The following ERG variants were observed in gnomAD, a reference collection of about 807,000 sequenced individuals.
ERG encodes ETS transcription factor ERG.
A neutral mutation model predicts 55.3 loss-of-function variants in ERG; 9 were observed. That is an observed-to-expected ratio of 0.16 (90% CI 0.10 to 0.28). The LOEUF (loss-of-function observed/expected upper bound fraction) is 0.28. ERG is among the 10% of genes least tolerant of loss of function. ERG has a pLI of 1.00. For missense variants in ERG, 434 were observed against 631.6 expected (o/e 0.69, Z 3.35); for synonymous variants, 223 against 237.3 (o/e 0.94, Z 0.55).
intron 2 of ERG, among the ~76,000 whole-genome samples, chr21:38,429,826 T>C (rs1483557179): frequency 2.0e-5 from 3 of 152,144 alleles, no homozygotes; most frequent in Non-Finnish European, 4.4e-5. Flanking sequence ...ATTTTTGCAA[T>C]TGCGAATTGT....
At chr21:38,514,211 T>G (rs2059535314) in intron 2 of ERG, among the ~76,000 whole-genome samples, 1 of 151,114 alleles carries the variant, frequency 6.6e-6, no homozygotes. Flanking sequence ...TATCAGCAAA[T>G]TCTAACATGC....
intron 1 of ERG, among the ~76,000 whole-genome samples, chr21:38,646,963 C>T (rs1348359944): frequency 6.6e-6 from 1 of 152,192 alleles, no homozygotes; most frequent in African/African-American, 2.4e-5. Context: ...CAGCCTCTCC[C>T]ATCAGCTCAC....
intron 1 of ERG, among the ~76,000 whole-genome samples, chr21:38,644,812 T>C (rs1372443440): frequency 6.6e-6 from 1 of 152,208 alleles, no homozygotes; most frequent in Non-Finnish European, 1.5e-5. Context: ...TTTTTCTGAA[T>C]ACAGATGTGA....
At chr21:38,590,625 TATCC>T (rs1252966922) in intron 1 of ERG, among the ~76,000 whole-genome samples, 2 of 151,706 alleles carry the variant, frequency 1.3e-5, no homozygotes, top group Non-Finnish European at 2.9e-5. Flanking sequence ...TTCATTCATC[TATCC>T]ATCCATGTAT....
intron 8 of ERG, among the ~76,000 whole-genome samples, chr21:38,391,310 G>A (rs1987957960): frequency 6.6e-6 from 1 of 152,212 alleles, no homozygotes; most frequent in Admixed American, 6.5e-5. Context: ...ACCAACCAAT[G>A]ATATAAAGAG....
intron 1 of ERG, among the ~76,000 whole-genome samples, chr21:38,630,303 G>A (rs1019567933): frequency 6.6e-6 from 1 of 152,066 alleles, no homozygotes; most frequent in Admixed American, 6.6e-5. Context: ...TGTTAATAAT[G>A]GTGGCTTAAA....
chr21:38,470,662 T>G (rs1221152279), intron 1 of ERG: 1 of 152,072 alleles, frequency 6.6e-6, no homozygotes, highest in Admixed American at 6.6e-5. Flanking sequence ...TTTGTCAAAC[T>G]GCTTCACAGG....
intron 1 of ERG, among the ~76,000 whole-genome samples, chr21:38,632,349 T>C (rs2060361785): frequency 6.6e-6 from 1 of 152,170 alleles, no homozygotes; most frequent in Non-Finnish European, 1.5e-5. Context: ...GGATGAACAC[T>C]ATAATTTTTT....
At chr21:38,531,715 A>C (rs1322557026) in intron 2 of ERG, among the ~76,000 whole-genome samples, 1 of 152,212 alleles carries the variant, frequency 6.6e-6, no homozygotes, top group African/African-American at 2.4e-5. Flanking sequence ...CAATTTAAAA[A>C]ATCATGGCAC....
At chr21:38,550,818 C>T (rs1053393597) in intron 2 of ERG, among the ~76,000 whole-genome samples, 1 of 152,118 alleles carries the variant, frequency 6.6e-6, no homozygotes, top group Non-Finnish European at 1.5e-5. Flanking sequence ...CTCGGGTTCA[C>T]ACAAGGTTTG....
chr21:38,382,128 A>T lies in ERG; in HGVS notation c.*1275T>A, dbSNP rs922689215. On this transcript the variant is annotated 3_prime_UTR_variant, in exon 10 of 10. Transcript: ENST00000288319. Reference sequence around the variant, plus strand: ...TAAACATTAAGCATACAGAGTTAAAATTCAAGGCCACATTATATCGATTGT... The same window carrying T: ...TAAACATTAAGCATACAGAGTTAAATTTCAAGGCCACATTATATCGATTGT... 74 of 1,054,492 alleles carry T rather than the reference A, an allele frequency of 7.0e-5. No individual in the cohort carries two copies. The African/African-American group carries it at 1.2e-3, about 17-fold the overall frequency. The allele number at this position is 1,054,492 out of a possible 1,614,324, so 65.3% of individuals were successfully genotyped here.
chr21:38,525,262 G>A (rs3827204), intron 2 of ERG, among the ~76,000 whole-genome samples: 47,703 of 151,768 alleles, frequency 0.31, 9,250 homozygotes, highest in Non-Finnish European at 0.42. Context: ...TCTTCCCCGC[G>A]CCCCTCCTGC....
In ERG at chr21:38,601,364, A is replaced by ATGTGG. The variant is rs2060163535; in HGVS notation, c.-149-16424_-149-16420dup. ...GCAGATCTCTTTGGTGGCAAAGGCA[A>ATGTGG]TGTGGTGAGTTAACTTTGAAGCAAT... is the stretch of plus-strand genomic sequence containing the variant. On this transcript the variant is annotated intron_variant, in intron 1 of 10. Transcript: ENST00000398910. Among the ~76,000 whole-genome samples, 4 of 152,276 alleles carry ATGTGG rather than the reference A, an allele frequency of 2.6e-5. No homozygotes were observed. The South Asian group carries it at 8.3e-4, about 32-fold the overall frequency.
At chr21:38,606,319 CAGAT>C (rs1350221079) in intron 1 of ERG, among the ~76,000 whole-genome samples, 14 of 152,058 alleles carry the variant, frequency 9.2e-5, no homozygotes, top group South Asian at 2.1e-4. Context: ...AGATGATAGA[CAGAT>C]AGATAGATAA....
chr21:38,582,207 T>C (rs2060034142), intron 1 of ERG, among the ~76,000 whole-genome samples: 1 of 152,178 alleles, frequency 6.6e-6, no homozygotes, highest in Non-Finnish European at 1.5e-5. Flanking sequence ...TTGTTGCACC[T>C]AAAAGGGGGG....
At chr21:38,402,944 C>T (rs1045134446) in intron 4 of ERG, among the ~76,000 whole-genome samples, 63 of 152,164 alleles carry the variant, frequency 4.1e-4, no homozygotes, top group African/African-American at 1.5e-3. Flanking sequence ...TTCCTTCTCA[C>T]CATGCTGGAC....
intron 1 of ERG, among the ~76,000 whole-genome samples, chr21:38,651,886 A>C (rs2060490637): frequency 6.6e-6 from 1 of 151,850 alleles, no homozygotes; most frequent in Non-Finnish European, 1.5e-5. Flanking sequence ...GGTGCTCAGC[A>C]CTCCTGAGCC....
chr21:38,586,404 T>A (rs921112032), upstream of ERG, among the ~76,000 whole-genome samples: 13 of 152,032 alleles, frequency 8.6e-5, no homozygotes, highest in African/African-American at 3.1e-4. Flanking sequence ...AAGTCACAGA[T>A]CTCTTGAAAT....
intron 1 of ERG, among the ~76,000 whole-genome samples, chr21:38,650,792 A>G (rs978831859): frequency 1.3e-5 from 2 of 152,274 alleles, no homozygotes; most frequent in African/African-American, 4.8e-5. Flanking sequence ...CATAAGCTTC[A>G]GTATCACAAA....
Sources: gnomAD v4.1 joint callset for allele counts (sites outside exome capture counted in the v4.1 genomes callset) on GRCh38, gnomAD v4.1.1 for gene constraint, MANE v1.5 for transcripts, NCBI Gene and HGNC (gene_info 2026-07-23, HGNC 2026-07-21) for gene names.